The following AKAP6 variants were observed in gnomAD, a reference collection of about 807,000 sequenced individuals.
AKAP6 encodes A-kinase anchor protein 6.
In AKAP6, 58 loss-of-function variants were observed where a neutral mutation model predicts 188.5. That is an observed-to-expected ratio of 0.31 (90% confidence interval 0.25 to 0.38). The LOEUF (loss-of-function observed/expected upper bound fraction) is 0.38, where lower values mean the gene tolerates loss of function less well. AKAP6 is among the 10% of genes least tolerant of loss of function. The pLI, the probability that AKAP6 is intolerant of heterozygous loss-of-function variation, is 1.00. For missense variants in AKAP6, 2,710 were observed against 2,740.0 expected (o/e 0.99, Z 0.24); for synonymous variants, 989 against 998.6 (o/e 0.99, Z 0.18).
intron 1 of AKAP6, among the ~76,000 whole-genome samples, chr14:32,355,826 G>A (rs979689530): frequency 2.0e-5 from 3 of 151,650 alleles, no homozygotes; most frequent in Non-Finnish European, 2.9e-5. Context: ...CTAGGCTGAA[G>A]TCCAGTGATG....
chr14:32,582,141 C>T (rs1885001567), intron 5 of AKAP6, among the ~76,000 whole-genome samples: 1 of 151,782 alleles, frequency 6.6e-6, no homozygotes, highest in Non-Finnish European at 1.5e-5. Flanking sequence ...ACCGGTTGTT[C>T]CTTTCCATGT....
chr14:32,789,685 A>G (rs1178216905), intron 12 of AKAP6, among the ~76,000 whole-genome samples: 2 of 152,172 alleles, frequency 1.3e-5, no homozygotes, highest in Non-Finnish European at 2.9e-5. Flanking sequence ...AAACAACAAT[A>G]TCAACAAAAA....
At chr14:32,771,245 T>A (rs1043034863) in intron 11 of AKAP6, among the ~76,000 whole-genome samples, 1 of 152,046 alleles carries the variant, frequency 6.6e-6, no homozygotes, top group African/African-American at 2.4e-5. Context: ...ATTTCCAATT[T>A]TCCCCTCCTT....
intron 7 of AKAP6, among the ~76,000 whole-genome samples, chr14:32,612,877 C>T (rs1484578683): frequency 1.3e-5 from 2 of 152,122 alleles, no homozygotes; most frequent in Non-Finnish European, 2.9e-5. Context: ...AGCTCTCTAA[C>T]AAGATTAGGT....
In AKAP6 at chr14:32,530,279, A is replaced by C. The variant is rs1332139812; in HGVS notation, c.325-5275A>C. ...TGAGTCCAAGCAATTCTCCTGCCTC[A>C]GTCTCCCAAAGTGCTGGGATTACAG... On this transcript the variant is annotated intron_variant, in intron 2 of 13. Coordinates refer to ENST00000280979, the MANE Select transcript of AKAP6 (RefSeq NM_004274.5). 2.6e-5 allele frequency among the ~76,000 whole-genome samples: 4 copies of C among 152,188 alleles called. No homozygotes were observed. In the East Asian group the frequency reaches 7.7e-4, roughly 29 times the overall value.
chr14:32,508,947 C>T (rs532583492), intron 2 of AKAP6, among the ~76,000 whole-genome samples: 1 of 150,728 alleles, frequency 6.6e-6, no homozygotes, highest in South Asian at 2.1e-4. Flanking sequence ...GCCTCAGCTT[C>T]CCAGGTAGCT....
intron 5 of AKAP6, among the ~76,000 whole-genome samples, chr14:32,593,255 A>G (rs1885562886): frequency 6.6e-6 from 1 of 152,188 alleles, no homozygotes; most frequent in Non-Finnish European, 1.5e-5. Context: ...GTGTCAGTCA[A>G]TAAGGAGAGA....
intron 9 of AKAP6, among the ~76,000 whole-genome samples, chr14:32,727,657 A>C (rs2030939342): frequency 6.6e-6 from 1 of 152,198 alleles, no homozygotes. Context: ...TTGCTGTGCG[A>C]GTTCTGGCAA....
chr14:32,699,402 C>T (rs1566654171), intron 9 of AKAP6, among the ~76,000 whole-genome samples: 1 of 152,190 alleles, frequency 6.6e-6, no homozygotes, highest in Admixed American at 6.5e-5. Context: ...ATTAGTACAA[C>T]TTAACATCAT....
At chr14:32,742,303 C>G (rs937025634) in intron 11 of AKAP6, among the ~76,000 whole-genome samples, 1 of 150,960 alleles carries the variant, frequency 6.6e-6, no homozygotes, top group African/African-American at 2.4e-5. Context: ...TTTTGTTGAA[C>G]TTAAAAAAAT....
chr14:32,491,191 A>T, intron 2 of AKAP6, among the ~76,000 whole-genome samples: 1 of 152,188 alleles, frequency 6.6e-6, no homozygotes, highest in East Asian at 1.9e-4. Context: ...TCAATTACCC[A>T]TGCCAAGAAA....
At chr14:32,652,245 G>A (rs1185475338) in intron 7 of AKAP6, among the ~76,000 whole-genome samples, 1 of 151,964 alleles carries the variant, frequency 6.6e-6, no homozygotes, top group African/African-American at 2.4e-5. Flanking sequence ...AGCAATAGAA[G>A]CTGAAAATAA....
In AKAP6 at chr14:32,573,168, G is replaced by T. The variant is rs147640026; in HGVS notation, c.2347-3952G>T. On this transcript the variant is annotated intron_variant, in intron 4 of 13. Coordinates refer to ENST00000280979, the MANE Select transcript of AKAP6 (RefSeq NM_004274.5). ...TAAGGACACTGGTAGAAAATAACAGGAAAGACACTGAACAGATACAGCAGG... is the reference window on the plus strand; with the variant it reads ...TAAGGACACTGGTAGAAAATAACAGTAAAGACACTGAACAGATACAGCAGG... 1.1e-4 allele frequency among the ~76,000 whole-genome samples: 17 copies of T among 152,240 alleles called. No individual in the cohort carries two copies. The East Asian group carries it at 2.5e-3, about 22-fold the overall frequency.
intron 4 of AKAP6, among the ~76,000 whole-genome samples, chr14:32,572,962 C>G (rs1289683395): frequency 6.6e-6 from 1 of 152,054 alleles, no homozygotes; most frequent in African/African-American, 2.4e-5. Flanking sequence ...TGGTGCCAAA[C>G]AAGGGTCTAC....
intron 11 of AKAP6, among the ~76,000 whole-genome samples, chr14:32,750,180 C>A (rs2032069205): frequency 6.6e-6 from 1 of 152,046 alleles, no homozygotes; most frequent in South Asian, 2.1e-4. Flanking sequence ...TTTGTTTCCA[C>A]TGCAGTGAAT....
chr14:32,701,232 G>A (rs946228537), intron 9 of AKAP6, among the ~76,000 whole-genome samples: 4 of 152,048 alleles, frequency 2.6e-5, no homozygotes, highest in Non-Finnish European at 5.9e-5. Context: ...AAATCAGACT[G>A]GAGAAAATAT....
intron 12 of AKAP6, among the ~76,000 whole-genome samples, chr14:32,807,340 AAG>A (rs1163473942): frequency 2.0e-5 from 3 of 152,172 alleles, no homozygotes; most frequent in African/African-American, 7.2e-5. Context: ...AAAAAAAAAA[AAG>A]ATTTAAATTT....
chr14:32,672,840 C>T lies in AKAP6; in HGVS notation c.2731-5471C>T, dbSNP rs564063280. On this transcript the variant is annotated intron_variant, in intron 7 of 13. Transcript: ENST00000280979. ...TGCAACTTTCTCCAAGTACACCAGC[C>T]AGTAGGAGCTATACCAGCATATTTG... Among the ~76,000 whole-genome samples, 4 of 152,276 alleles carry T rather than the reference C, an allele frequency of 2.6e-5. No homozygotes were observed. In the East Asian group the frequency reaches 7.7e-4, roughly 29 times the overall value.
At chr14:32,612,605 AT>A (rs960634397) in intron 7 of AKAP6, among the ~76,000 whole-genome samples, 3 of 151,920 alleles carry the variant, frequency 2.0e-5, no homozygotes, top group East Asian at 3.9e-4. Flanking sequence ...CATTTCACCT[AT>A]TTTTTCCCAA....
Sources: gnomAD v4.1 joint callset for allele counts (sites outside exome capture counted in the v4.1 genomes callset) on GRCh38, gnomAD v4.1.1 for gene constraint, MANE v1.5 for transcripts, NCBI Gene and HGNC (gene_info 2026-07-23, HGNC 2026-07-21) for gene names.